ARHGAP28: variants seen among roughly 807,000 people sequenced by gnomAD.
ARHGAP28 encodes the protein Rho GTPase activating protein 28, also known as rho GTPase-activating protein 28.
A neutral mutation model predicts 90.7 loss-of-function variants in ARHGAP28; 56 were observed. That is an observed-to-expected ratio of 0.62 (90% CI 0.50 to 0.77). The LOEUF (loss-of-function observed/expected upper bound fraction) is 0.77, where lower values mean the gene tolerates loss of function less well. ARHGAP28 is among the 30% of genes least tolerant of loss of function. ARHGAP28 has a pLI of 0.00. For missense variants in ARHGAP28, 869 were observed against 900.9 expected, an observed-to-expected ratio of 0.96 and a Z score of 0.45; for synonymous variants, 308 against 323.3, an observed-to-expected ratio of 0.95 and a Z score of 0.51.
intron 1 of ARHGAP28, among the ~76,000 whole-genome samples, chr18:6,780,722 C>T (rs2056317573): frequency 6.6e-6 from 1 of 152,066 alleles, no homozygotes; most frequent in South Asian, 2.1e-4. Context: ...AACCCCGTCT[C>T]TACTAAAAAT....
intron 5 of ARHGAP28, among the ~76,000 whole-genome samples, chr18:6,867,712 C>A (rs904608375): frequency 6.6e-6 from 1 of 151,802 alleles, no homozygotes; most frequent in African/African-American, 2.4e-5. Flanking sequence ...GTTATATTAA[C>A]AATATAATTA....
At chr18:6,912,013 A>G in intron 17 of ARHGAP28, 47 bp from the exon 18 acceptor site, 1 of 1,328,796 alleles carries the variant, frequency 7.5e-7, no homozygotes, top group Non-Finnish European at 1.1e-6. Flanking sequence ...GCGCACGCAC[A>G]CACACACAAA....
At chr18:6,890,166 C>T (rs1039586024) in intron 13 of ARHGAP28, 81 bp downstream of exon 13, 3 of 1,496,698 alleles carry the variant, frequency 2.0e-6, no homozygotes, top group African/African-American at 2.8e-5. Context: ...TGGGCAACTC[C>T]CTTGGTCATA....
At chr18:6,859,483 C>A (rs1329617818) in intron 4 of ARHGAP28, among the ~76,000 whole-genome samples, 4 of 152,180 alleles carry the variant, frequency 2.6e-5, no homozygotes, top group Non-Finnish European at 1.5e-5. Flanking sequence ...GGCCACGTGA[C>A]CCCTCTTAAC....
intron 6 of ARHGAP28, among the ~76,000 whole-genome samples, chr18:6,868,458 C>T (rs2057055450): frequency 6.6e-6 from 1 of 152,150 alleles, no homozygotes; most frequent in Non-Finnish European, 1.5e-5. Context: ...GAATCTTTTC[C>T]TCCTTCACGA....
intron 5 of ARHGAP28, among the ~76,000 whole-genome samples, chr18:6,864,432 G>C (rs935608783): frequency 6.6e-6 from 1 of 152,084 alleles, no homozygotes; most frequent in African/African-American, 2.4e-5. Flanking sequence ...ATGAATTTTG[G>C]TAATGTGTAT....
intron 4 of ARHGAP28, among the ~76,000 whole-genome samples, chr18:6,856,027 G>A (rs865989036): frequency 2.0e-5 from 3 of 152,232 alleles, no homozygotes; most frequent in South Asian, 2.1e-4. Flanking sequence ...AGCCTGCTGG[G>A]CCAAGTGGGC....
chr18:6,768,207 G>T (rs1361670137), intron 1 of ARHGAP28, among the ~76,000 whole-genome samples: 1 of 151,826 alleles, frequency 6.6e-6, no homozygotes, highest in Non-Finnish European at 1.5e-5. Context: ...AAATAGTTGA[G>T]CATATTTATG....
chr18:6,908,386 G>A (rs557799513), intron 16 of ARHGAP28, among the ~76,000 whole-genome samples: 27 of 152,034 alleles, frequency 1.8e-4, no homozygotes, highest in African/African-American at 6.3e-4. Flanking sequence ...TGATCCACCC[G>A]CCTCAACCTC....
chr18:6,751,268 C>T (rs1050688087), intron 1 of ARHGAP28, among the ~76,000 whole-genome samples: 7 of 151,770 alleles, frequency 4.6e-5, no homozygotes, highest in South Asian at 4.2e-4. Flanking sequence ...TGTTAATCTA[C>T]GTCAGGTTCC....
At chr18:6,791,533 A>G (rs570183312) in intron 1 of ARHGAP28, 14 of 152,350 alleles carry the variant, frequency 9.2e-5, no homozygotes, top group African/African-American at 3.1e-4. Flanking sequence ...TTGGGACATG[A>G]CTAAAACTGA....
chr18:6,776,199 A>G (rs1281532523), intron 1 of ARHGAP28, among the ~76,000 whole-genome samples: 2 of 152,152 alleles, frequency 1.3e-5, no homozygotes, highest in Middle Eastern at 3.2e-3. Context: ...ATGCCTTTCT[A>G]TGATAAGTGG....
chr18:6,877,990 A>T (rs1166079228), intron 10 of ARHGAP28, among the ~76,000 whole-genome samples: 1 of 151,902 alleles, frequency 6.6e-6, no homozygotes, highest in East Asian at 1.9e-4. Context: ...GTGTGTGTGT[A>T]TGTATGTGCC....
chr18:6,779,863 C>A (rs1051996594), intron 1 of ARHGAP28, among the ~76,000 whole-genome samples: 1 of 152,200 alleles, frequency 6.6e-6, no homozygotes, highest in Non-Finnish European at 1.5e-5. Context: ...ATTCAACCAT[C>A]CTGCTACAAA....
In ARHGAP28 at chr18:6,889,962, A is replaced by G; in HGVS notation, c.1611A>G (p.Thr537=). Residue 537 remains threonine, a synonymous_variant, in exon 13 of 18, where the codon ACA becomes ACG. Transcript: ENST00000383472. ...GAATGAGTCTGTGGAACATTTCTAC[A>G]GTGATGGCACCAAACCTTTTCTTCA... ...KNRMSLWNIS[T]VMAPNLFFSR... 1 of 1,614,238 alleles carries G rather than the reference A, an allele frequency of 6.2e-7. No individual in the cohort carries two copies. Among genetic ancestry groups the G allele is most frequent in the East Asian group, 2.2e-5 (1 of 44,882 alleles).
intron 3 of ARHGAP28, among the ~76,000 whole-genome samples, chr18:6,841,220 TCTCC>T (rs1317032069): frequency 3.6e-5 from 4 of 109,870 alleles, no homozygotes; most frequent in South Asian, 3.4e-4. Flanking sequence ...TCTCTCTCTC[TCTCC>T]CCCCAACCCG....
intron 1 of ARHGAP28, among the ~76,000 whole-genome samples, chr18:6,783,591 A>G (rs1600180266): frequency 6.6e-6 from 1 of 151,978 alleles, no homozygotes; most frequent in Non-Finnish European, 1.5e-5. Flanking sequence ...GTGAGCCACC[A>G]TGACCGGCCT....
chr18:6,814,210 C>T (rs144689263), intron 1 of ARHGAP28, among the ~76,000 whole-genome samples: 4 of 152,128 alleles, frequency 2.6e-5, no homozygotes, highest in South Asian at 2.1e-4. Context: ...GGACTTTGTA[C>T]GGAATAGTTT....
At chr18:6,888,283 C>T (rs1238129268) in intron 12 of ARHGAP28, among the ~76,000 whole-genome samples, 1 of 152,052 alleles carries the variant, frequency 6.6e-6, no homozygotes, top group Non-Finnish European at 1.5e-5. Flanking sequence ...ATTCTATATA[C>T]AATAGGAAAT....
Sources: allele counts gnomAD v4.1 joint callset (sites outside exome capture counted in the v4.1 genomes callset), GRCh38; gene constraint gnomAD v4.1.1; transcripts MANE v1.5; gene names NCBI Gene and HGNC (gene_info 2026-07-23, HGNC 2026-07-21).